Variants in ARID1B observed in about 807,000 individuals in gnomAD.
ARID1B encodes the protein AT-rich interaction domain 1B, also known as AT-rich interactive domain-containing protein 1B.
A neutral mutation model predicts 212.3 loss-of-function variants in ARID1B; 30 were observed. The ratio of observed to expected loss-of-function variants is 0.14; its 90% CI spans 0.11 to 0.19. The LOEUF is 0.19. Among genes scored for constraint, ARID1B ranks in the 10% least tolerant of loss-of-function variants. ARID1B has a pLI of 1.00. For synonymous variants in ARID1B, 1,402 were observed against 1,301.7 expected, an observed-to-expected ratio of 1.08 and a Z score of -1.66; for missense variants, 2,891 against 3,204.0, an observed-to-expected ratio of 0.90 and a Z score of 2.36.
At chr6:157,142,017 C>T (rs1789393391) in intron 7 of ARID1B, among the ~76,000 whole-genome samples, 2 of 152,118 alleles carry the variant, frequency 1.3e-5, no homozygotes, top group Admixed American at 6.5e-5. Flanking sequence ...AAACCATATC[C>T]AAGAATGGAC....
At chr6:156,862,278 T>C (rs547110677) in intron 2 of ARID1B, among the ~76,000 whole-genome samples, 68 of 152,308 alleles carry the variant, frequency 4.5e-4, no homozygotes, top group African/African-American at 1.6e-3. Flanking sequence ...GTGTGCCCCA[T>C]CCTCAGATTT....
At chr6:156,880,264 G>C (rs1018511831) in intron 2 of ARID1B, among the ~76,000 whole-genome samples, 2 of 152,184 alleles carry the variant, frequency 1.3e-5, no homozygotes, top group Admixed American at 6.5e-5. Flanking sequence ...TGCTGGTAGT[G>C]AAAGGAGAGA....
At chr6:156,874,320 A>C (rs1186860823) in intron 2 of ARID1B, among the ~76,000 whole-genome samples, 1 of 152,126 alleles carries the variant, frequency 6.6e-6, no homozygotes, top group Non-Finnish European at 1.5e-5. Flanking sequence ...CAGCCACTTC[A>C]GCCTCTCAAA....
intron 4 of ARID1B, among the ~76,000 whole-genome samples, chr6:156,970,681 G>A (rs1434796350): frequency 6.6e-6 from 1 of 152,210 alleles, no homozygotes; most frequent in Admixed American, 6.5e-5. Flanking sequence ...ATTGGAAAAG[G>A]AATGCTTCAG....
Position 157,201,101 on chromosome 6 carries a change from G to A in ARID1B, c.4876G>A (p.Asp1626Asn), listed in dbSNP as rs1346882502. ...CCGCACAGACGATATGATGGTACCC[G>A]ATCAGAGGATAAATCATGAGAGCCA... is the stretch of plus-strand genomic sequence containing the variant. ...MNRTDDMMVPDQRINHESQWP... is the reference protein window; with the variant it reads ...MNRTDDMMVPNQRINHESQWP... Residue 1626 changes from aspartate to asparagine, a missense_variant, in exon 18 of 20, where the codon GAT (aspartate) becomes AAT (asparagine). Physicochemically the swap from Asp to Asn is conservative, Grantham distance 23. Around this residue, in one of 7 missense-constraint regions of ARID1B, gnomAD observed 666 missense variants for 873.5 expected, o/e 0.76. Coordinates refer to ENST00000636930, the MANE Select transcript of ARID1B (RefSeq NM_001374828.1). This position sits in a 1 kb window ranked among gnomAD's most constrained non-coding sequence, Gnocchi z 5.2. 12 of 1,614,040 alleles carry A rather than the reference G, an allele frequency of 7.4e-6. No homozygotes were observed. The highest frequency in any genetic ancestry group is 1.7e-5 in the Admixed American group (1 of 60,004).
chr6:157,203,409 TA>T lies in ARID1B; in HGVS notation c.5264-454del, dbSNP rs2128383792. Among the ~76,000 whole-genome samples, 2 of 152,324 alleles carry T rather than the reference TA, an allele frequency of 1.3e-5. 1 individual carries two copies. Among genetic ancestry groups the T allele is most frequent in the South Asian group, 4.1e-4 (2 of 4,830 alleles). On this transcript the variant is annotated intron_variant, in intron 18 of 19. Coordinates refer to ENST00000636930, the MANE Select transcript of ARID1B (RefSeq NM_001374828.1). This position sits in a 1 kb window ranked among gnomAD's most constrained non-coding sequence, Gnocchi z 4.4. Reference sequence around the variant, plus strand: ...GTGTCTGAGGAGGCTGTCTTGGAGTTAAATTTTGCTTCCATGTTCTGCATAC... The same window carrying T: ...GTGTCTGAGGAGGCTGTCTTGGAGTTAATTTTGCTTCCATGTTCTGCATAC...
intron 1 of ARID1B, among the ~76,000 whole-genome samples, chr6:156,787,364 T>G (rs1438736606): frequency 6.6e-6 from 1 of 152,150 alleles, no homozygotes; most frequent in African/African-American, 2.4e-5. Context: ...AGCGAGGCAT[T>G]GATGATTAGT....
At chr6:157,046,413 C>A (rs1337464638) in intron 4 of ARID1B, among the ~76,000 whole-genome samples, 1 of 152,052 alleles carries the variant, frequency 6.6e-6, no homozygotes, top group Non-Finnish European at 1.5e-5. Flanking sequence ...TTTTTTCCTG[C>A]CATTTTATAA....
At chr6:156,974,820 G>A (rs1366266143) in intron 4 of ARID1B, among the ~76,000 whole-genome samples, 2 of 152,164 alleles carry the variant, frequency 1.3e-5, no homozygotes, top group African/African-American at 2.4e-5. Flanking sequence ...GAACTTTACA[G>A]CAGCACACAC....
intron 8 of ARID1B, 87 bp from the exon 9 acceptor site, chr6:157,166,952 TA>T (rs1791366599): frequency 1.3e-6 from 2 of 1,514,298 alleles, no homozygotes; most frequent in African/African-American, 1.4e-5. Flanking sequence ...ACCCCTTACA[TA>T]AATGCATTAG....
chr6:156,839,502 A>C (rs578157841), intron 2 of ARID1B, among the ~76,000 whole-genome samples: 1 of 152,324 alleles, frequency 6.6e-6, no homozygotes, highest in South Asian at 2.1e-4. Context: ...CAAATCACTG[A>C]GCAGTTGGGG....
At chr6:156,804,492 A>G (rs2127954798) in intron 1 of ARID1B, among the ~76,000 whole-genome samples, 1 of 152,316 alleles carries the variant, frequency 6.6e-6, no homozygotes, top group South Asian at 2.1e-4. Context: ...AAAGAGGTTT[A>G]GTTGACTCAT....
intron 2 of ARID1B, among the ~76,000 whole-genome samples, chr6:156,900,510 T>C (rs1788829747): frequency 6.6e-6 from 1 of 152,232 alleles, no homozygotes; most frequent in South Asian, 2.1e-4. Context: ...TATTGTGGTA[T>C]GAAACAAAAT....
chr6:157,206,161 C>T lies in ARID1B; in HGVS notation c.5395-6C>T. On this transcript the variant is annotated splice_region_variant and splice_polypyrimidine_tract_variant and intron_variant, in intron 19 of 19. Coordinates refer to ENST00000636930, the MANE Select transcript of ARID1B (RefSeq NM_001374828.1). The surrounding 1 kb of genome is among the most constrained non-coding windows in gnomAD (Gnocchi z 6.8). ...CTTTCTTTCTTCTCCTCCTCCTCCT[C>T]TCCAGTTGTCTGGATTTCTCGAACT... The T allele has an allele frequency of 6.2e-7, 1 of 1,613,578 alleles. No individual in the cohort carries two copies. Among genetic ancestry groups the T allele is most frequent in the Non-Finnish European group, 8.5e-7 (1 of 1,179,644 alleles).
rs1315549301 is a variant in ARID1B, at chr6:156,778,727, G to A, written c.1047G>A (p.Met349Ile). 3.9e-6 allele frequency: 6 copies of A among 1,524,624 alleles called. No individual in the cohort carries two copies. The highest frequency in any genetic ancestry group is 1.7e-4 in the Middle Eastern group (1 of 5,914). 94.4% of individuals were successfully genotyped at this position (1,524,624 alleles called of 1,614,324 possible). ...AACAAAGCCCCGGGATGGGGATGAT[G>A]CACTCCGCCTCCGCCGCCGCCGCCG... The part of the protein sequence containing the change: ...GGQQSPGMGM[M>I]HSASAAAAGA... Residue 349 changes from methionine to isoleucine, a missense_variant, in exon 1 of 20, where the codon ATG becomes ATA. Met to Ile is a conservative substitution (Grantham distance 10). Transcript: ENST00000636930.
At chr6:156,812,969 T>TATATACATAC (rs1781665369) in intron 1 of ARID1B, among the ~76,000 whole-genome samples, 1 of 145,288 alleles carries the variant, frequency 6.9e-6, no homozygotes. Flanking sequence ...TGTGTGTGTG[T>TATATACATAC]GTGTGTGTAT....
At chr6:156,961,412 A>G (rs1583033440) in intron 4 of ARID1B, among the ~76,000 whole-genome samples, 1 of 152,346 alleles carries the variant, frequency 6.6e-6, no homozygotes, top group South Asian at 2.1e-4. Context: ...GGAAATGCCA[A>G]CTTTGCCTCT....
intron 2 of ARID1B, among the ~76,000 whole-genome samples, chr6:156,830,472 T>G (rs1783069993): frequency 6.6e-6 from 1 of 152,248 alleles, no homozygotes; most frequent in Admixed American, 6.5e-5. Context: ...TTGATCATAC[T>G]TTACATGATA....
chr6:157,102,134 A>G (rs1786086169), intron 5 of ARID1B, among the ~76,000 whole-genome samples: 1 of 152,196 alleles, frequency 6.6e-6, no homozygotes, highest in African/African-American at 2.4e-5. Flanking sequence ...CTATAGTTGT[A>G]TACTGTAGTA....
Sources: allele counts gnomAD v4.1 joint callset (sites outside exome capture counted in the v4.1 genomes callset), GRCh38; gene constraint gnomAD v4.1.1; regional missense constraint gnomAD v4.1.1; non-coding constraint Gnocchi (gnomAD v3.1); transcripts MANE v1.5; gene names NCBI Gene and HGNC (gene_info 2026-07-23, HGNC 2026-07-21).